Variants in ADGRL2 observed in about 807,000 individuals in gnomAD.
ADGRL2 encodes adhesion G protein-coupled receptor L2, also known as calcium-independent alpha-latrotoxin receptor 2.
In ADGRL2, 44 loss-of-function variants were observed where a neutral mutation model predicts 157.4. The ratio of observed to expected loss-of-function variants is 0.28; its 90% CI spans 0.22 to 0.36. The LOEUF (loss-of-function observed/expected upper bound fraction) is 0.36, where lower values mean the gene tolerates loss of function less well. Ranked by LOEUF, ADGRL2 falls within the 10% of genes least tolerant of loss-of-function variation. The pLI is 1.00. For synonymous variants in ADGRL2, 585 were observed against 624.7 expected (o/e 0.94, Z 0.95); for missense variants, 1,510 against 1,768.9 (o/e 0.85, Z 2.63).
intron 2 of ADGRL2, among the ~76,000 whole-genome samples, chr1:81,905,945 AGAGT>A (rs1330780329): frequency 7.9e-6 from 1 of 125,830 alleles, no homozygotes; most frequent in Non-Finnish European, 1.6e-5. Context: ...AGAAAAAAGC[AGAGT>A]GTGTGTGTGT....
intron 1 of ADGRL2, among the ~76,000 whole-genome samples, chr1:81,760,014 ACTT>A (rs972880282): frequency 2.5e-4 from 38 of 152,088 alleles, no homozygotes; most frequent in African/African-American, 8.4e-4. Flanking sequence ...TTGGTGAAAA[ACTT>A]CTAAAAAAAG....
intron 1 of ADGRL2, among the ~76,000 whole-genome samples, chr1:81,430,581 TG>T (rs1269191352): frequency 3.3e-5 from 5 of 152,214 alleles, no homozygotes; most frequent in Admixed American, 3.3e-4. Flanking sequence ...AAGGCTGTCT[TG>T]TATTCTGAGA....
intron 2 of ADGRL2, among the ~76,000 whole-genome samples, chr1:81,532,942 TTCTA>T (rs10554439): frequency 0.28 from 41,660 of 150,046 alleles, 6,957 homozygotes; most frequent in African/African-American, 0.48. Flanking sequence ...CAACAAAAAA[TTCTA>T]TCTATCTATC....
intron 1 of ADGRL2, among the ~76,000 whole-genome samples, chr1:81,802,399 T>A (rs2088362793): frequency 6.6e-6 from 1 of 151,926 alleles, no homozygotes; most frequent in Admixed American, 6.6e-5. Flanking sequence ...TCGCTCGGGC[T>A]GCTCGCTCCC....
chr1:81,574,036 A>G (rs2080748966), intron 2 of ADGRL2, among the ~76,000 whole-genome samples: 1 of 152,182 alleles, frequency 6.6e-6, no homozygotes, highest in Non-Finnish European at 1.5e-5. Flanking sequence ...AATGTTGTAA[A>G]CATGCCTTTA....
At chr1:81,902,079 C>T (rs183966842) in intron 2 of ADGRL2, among the ~76,000 whole-genome samples, 58 of 152,134 alleles carry the variant, frequency 3.8e-4, no homozygotes, top group African/African-American at 1.3e-3. Context: ...GGTAAGACAA[C>T]CCAAAGGGTA....
intron 1 of ADGRL2, among the ~76,000 whole-genome samples, chr1:81,801,431 C>T (rs764163614): frequency 6.6e-6 from 1 of 152,174 alleles, no homozygotes; most frequent in Admixed American, 6.5e-5. Context: ...CTCTCCCTCT[C>T]GCTCCCTCTC....
intron 1 of ADGRL2, among the ~76,000 whole-genome samples, chr1:81,405,120 C>A (rs749818222): frequency 1.3e-5 from 2 of 152,088 alleles, no homozygotes; most frequent in South Asian, 4.1e-4. Context: ...AATTTTATGA[C>A]GGTGCTGTAA....
intron 2 of ADGRL2, among the ~76,000 whole-genome samples, chr1:81,767,089 A>G (rs886571307): frequency 6.6e-6 from 1 of 152,096 alleles, no homozygotes; most frequent in Non-Finnish European, 1.5e-5. Flanking sequence ...TTTTGCAACA[A>G]TATGTAAATA....
intron 2 of ADGRL2, among the ~76,000 whole-genome samples, chr1:81,876,244 ATG>A (rs1454393119): frequency 1.3e-5 from 2 of 152,134 alleles, no homozygotes; most frequent in Non-Finnish European, 2.9e-5. Flanking sequence ...TATGCTTTGA[ATG>A]TGTTTCTGAA....
intron 2 of ADGRL2, among the ~76,000 whole-genome samples, chr1:81,887,315 A>C (rs1251330500): frequency 6.6e-6 from 1 of 152,190 alleles, no homozygotes; most frequent in Non-Finnish European, 1.5e-5. Flanking sequence ...AGGAATCCAC[A>C]TAACTATCCT....
chr1:81,822,878 A>G (rs539964281), intron 1 of ADGRL2, among the ~76,000 whole-genome samples: 1 of 152,036 alleles, frequency 6.6e-6, no homozygotes, highest in Admixed American at 6.6e-5. Context: ...GGGCCTTTCT[A>G]TTTCTTCATT....
At chr1:81,713,411 C>G (rs913288033) in intron 1 of ADGRL2, among the ~76,000 whole-genome samples, 2 of 152,138 alleles carry the variant, frequency 1.3e-5, no homozygotes, top group Non-Finnish European at 2.9e-5. Context: ...GTGACATCAG[C>G]ATGTACCAGA....
intron 3 of ADGRL2, among the ~76,000 whole-genome samples, chr1:81,596,674 AT>A (rs963100200): frequency 1.3e-5 from 2 of 150,914 alleles, no homozygotes; most frequent in Admixed American, 6.6e-5. Flanking sequence ...GAATCCCTAG[AT>A]TTTACTTTTT....
chr1:81,974,035 T>C (rs1470035937), intron 17 of ADGRL2, among the ~76,000 whole-genome samples: 1 of 152,186 alleles, frequency 6.6e-6, no homozygotes, highest in African/African-American at 2.4e-5. Flanking sequence ...TATACTATCC[T>C]TTTAAGGAAT....
In ADGRL2 at chr1:81,829,380, C is replaced by A. The variant is rs1211714034; in HGVS notation, c.-100-7505C>A. On this transcript the variant is annotated intron_variant, in intron 1 of 23. Coordinates refer to ENST00000686636, the MANE Select transcript of ADGRL2 (RefSeq NM_001366006.2). ...CTTTTCTGTACAACTCAAGAAAATC[C>A]TTTTGTTTTGAGTTTTACTTGTAGA... 3.3e-5 allele frequency among the ~76,000 whole-genome samples: 5 copies of A among 152,106 alleles called. No homozygotes were observed. In the East Asian group the frequency reaches 9.7e-4, roughly 29 times the overall value.
At chr1:81,412,827 A>G (rs2076969891) in intron 1 of ADGRL2, among the ~76,000 whole-genome samples, 1 of 152,202 alleles carries the variant, frequency 6.6e-6, no homozygotes, top group Non-Finnish European at 1.5e-5. Flanking sequence ...AGTCAGTCCA[A>G]TGTGTGTGCC....
At chr1:81,502,421 G>C (rs565307028) in intron 2 of ADGRL2, 1 of 1,614,054 alleles carries the variant, frequency 6.2e-7, no homozygotes, top group East Asian at 2.2e-5. Context: ...TGAACTGGAC[G>C]GTGATCCTGA....
chr1:81,852,522 T>C (rs923756479), intron 2 of ADGRL2, among the ~76,000 whole-genome samples: 1 of 152,180 alleles, frequency 6.6e-6, no homozygotes, highest in African/African-American at 2.4e-5. Flanking sequence ...TTCTCCCCGA[T>C]ACAACATTGA....
Sources: gnomAD v4.1 joint callset for allele counts (sites outside exome capture counted in the v4.1 genomes callset) on GRCh38, gnomAD v4.1.1 for gene constraint, MANE v1.5 for transcripts, NCBI Gene and HGNC (gene_info 2026-07-23, HGNC 2026-07-21) for gene names.